The following TRIM9 variants were observed in gnomAD, a reference collection of about 807,000 sequenced individuals.
TRIM9 encodes the protein E3 ubiquitin-protein ligase TRIM9.
In TRIM9, 26 loss-of-function variants were observed where a neutral mutation model predicts 78.3. The observed-to-expected ratio is 0.33, with a 90% CI of 0.24 to 0.46. TRIM9 has a LOEUF of 0.46. TRIM9 is among the 20% of genes least tolerant of loss of function. The pLI, the probability that TRIM9 is intolerant of heterozygous loss-of-function variation, is 1.00. For missense variants in TRIM9, 787 were observed against 1,036.4 expected (o/e 0.76, Z 3.30); for synonymous variants, 398 against 416.5 (o/e 0.96, Z 0.54).
chr14:51,026,693 C>T (rs2058259545), intron 1 of TRIM9, among the ~76,000 whole-genome samples: 1 of 152,142 alleles, frequency 6.6e-6, no homozygotes, highest in Non-Finnish European at 1.5e-5. Context: ...TGGGCACTGA[C>T]TCTCTAAAAA....
chr14:51,030,787 T>C (rs950696099), intron 1 of TRIM9, among the ~76,000 whole-genome samples: 5 of 152,140 alleles, frequency 3.3e-5, no homozygotes, highest in Non-Finnish European at 7.4e-5. Context: ...GCAAGGCTGG[T>C]ATCAGAGGAA....
At chr14:51,018,684 A>G (rs1011420986) in intron 3 of TRIM9, among the ~76,000 whole-genome samples, 4 of 152,216 alleles carry the variant, frequency 2.6e-5, no homozygotes, top group Non-Finnish European at 5.9e-5. Context: ...AGTAAATATT[A>G]ATATGAAGAC....
chr14:51,040,369 G>A lies in TRIM9; in HGVS notation c.823-15009C>T, dbSNP rs560093043. Among the ~76,000 whole-genome samples, 4 of 152,272 alleles carry A rather than the reference G, an allele frequency of 2.6e-5. No individual in the cohort carries two copies. The East Asian group carries it at 7.7e-4, about 29-fold the overall frequency. ...TCTCATGCCCTTCTCCTCTGGCTAT[G>A]TTGTCACCTTTTCTTCTGTTGCCTG... On this transcript the variant is annotated intron_variant, in intron 1 of 12. Coordinates refer to ENST00000684578, the MANE Select transcript of TRIM9 (RefSeq NM_001387360.1).
intron 3 of TRIM9, among the ~76,000 whole-genome samples, chr14:51,016,948 C>T (rs140175142): frequency 3.9e-5 from 6 of 152,290 alleles, no homozygotes; most frequent in African/African-American, 7.2e-5. Flanking sequence ...GTTCTCCATG[C>T]GTCCTTTTGA....
intron 1 of TRIM9, among the ~76,000 whole-genome samples, chr14:51,079,915 G>A (rs2063146350): frequency 6.6e-6 from 1 of 152,188 alleles, no homozygotes. Context: ...ATACACAGGA[G>A]ACTACAGAGG....
At chr14:51,086,822 C>T (rs117635477) in intron 1 of TRIM9, among the ~76,000 whole-genome samples, 1,954 of 152,220 alleles carry the variant, frequency 0.013, 18 homozygotes, top group Non-Finnish European at 0.019. Context: ...GGAATTGAAA[C>T]CACGGAGTGG....
At position 51,011,364 on chromosome 14, in the gene TRIM9, T is replaced by C. The variant is rs563201007; in HGVS notation, c.1042-870A>G. On this transcript the variant is annotated intron_variant, in intron 3 of 12. Coordinates refer to ENST00000684578, the MANE Select transcript of TRIM9 (RefSeq NM_001387360.1). ...CCCAAATCTTGAATGCCTATATATT[T>C]TTTTATTTCCAAAGATGGGGTCCTC... Among the ~76,000 whole-genome samples the C allele has an allele frequency of 2.6e-5, 4 of 152,348 alleles. No individual in the cohort carries two copies. The East Asian group carries it at 7.7e-4, about 29-fold the overall frequency.
rs561624302 is a variant in TRIM9 at position 50,977,090 on chromosome 14, G to C, written c.*201C>G. On this transcript the variant is annotated 3_prime_UTR_variant, in exon 13 of 13. Transcript: ENST00000684578. ...GGTTAGAATTGTTGGACATGGAAGC[G>C]GAAGCAGGCATGACAGCGGAGGAGA... The C allele has an allele frequency of 5.2e-6, 2 of 382,628 alleles. No individual in the cohort carries two copies. Among genetic ancestry groups the C allele is most frequent in the Non-Finnish European group, 9.2e-6 (2 of 216,590 alleles). The allele number at this position is 382,628 out of a possible 1,614,324, so 23.7% of individuals were successfully genotyped here.
chr14:51,027,869 T>C (rs1269203068), intron 1 of TRIM9, among the ~76,000 whole-genome samples: 1 of 152,116 alleles, frequency 6.6e-6, no homozygotes, highest in Non-Finnish European at 1.5e-5. Context: ...AAAAGTTTGC[T>C]GGACTACCAT....
rs2057895130 is a variant in TRIM9 at position 51,022,934 on chromosome 14, G to C, written c.942C>G (p.Ala314=). 2 of 1,614,004 alleles carry C rather than the reference G, an allele frequency of 1.2e-6. No homozygotes were observed. Among genetic ancestry groups the C allele is most frequent in the African/African-American group, 1.3e-5 (1 of 74,914 alleles). Residue 314 remains alanine, a synonymous_variant, in exon 3 of 13, where the codon GCC becomes GCG. Transcript: ENST00000684578. ...GGGCATCACATTGGGCCACCAGACA[G>C]GCTTCAAACTCCACACTGTTCTCCT... ...QIQENSVEFE[A]CLVAQCDALI... is the part of the protein sequence containing the mutation.
At chr14:51,058,920 TAATG>T (rs2061113372) in intron 1 of TRIM9, among the ~76,000 whole-genome samples, 1 of 152,244 alleles carries the variant, frequency 6.6e-6, no homozygotes. Context: ...AATTCTCATG[TAATG>T]TTTTGCATTT....
intron 1 of TRIM9, among the ~76,000 whole-genome samples, chr14:51,029,354 C>T (rs2058533138): frequency 6.6e-6 from 1 of 152,164 alleles, no homozygotes; most frequent in East Asian, 1.9e-4. Flanking sequence ...GGGCGTGGGG[C>T]ACCTTCTGGT....
At chr14:51,000,243 A>G (rs543716973) in intron 6 of TRIM9, among the ~76,000 whole-genome samples, 1 of 152,372 alleles carries the variant, frequency 6.6e-6, no homozygotes, top group East Asian at 1.9e-4. Context: ...AATAATAACT[A>G]ATAATGAACG....
intron 3 of TRIM9, among the ~76,000 whole-genome samples, chr14:51,013,204 AG>A (rs1487310912): frequency 1.4e-5 from 2 of 147,242 alleles, no homozygotes; most frequent in African/African-American, 5.0e-5. Flanking sequence ...TTGGATATGG[AG>A]TTAGGTAAGT....
chr14:51,020,724 C>T (rs2057678804), intron 3 of TRIM9, among the ~76,000 whole-genome samples: 1 of 152,244 alleles, frequency 6.6e-6, no homozygotes, highest in Admixed American at 6.5e-5. Flanking sequence ...TCTGCAGAGG[C>T]AACACTAAGC....
At chr14:50,998,954 C>T (rs896386011) in intron 6 of TRIM9, among the ~76,000 whole-genome samples, 9 of 152,170 alleles carry the variant, frequency 5.9e-5, no homozygotes, top group Non-Finnish European at 1.2e-4. Flanking sequence ...AAGAAGACCA[C>T]GGTCTTGGAT....
At chr14:50,990,982 T>C (rs1486433422) in intron 7 of TRIM9, among the ~76,000 whole-genome samples, 3 of 152,196 alleles carry the variant, frequency 2.0e-5, no homozygotes, top group Non-Finnish European at 4.4e-5. Context: ...TAAAAGGTGG[T>C]ATTTTAAGCT....
intron 1 of TRIM9, among the ~76,000 whole-genome samples, chr14:51,044,260 G>T (rs1002827900): frequency 6.9e-4 from 105 of 152,232 alleles, no homozygotes; most frequent in African/African-American, 2.4e-3. Flanking sequence ...CTTTGGAAGG[G>T]TCAACAATCC....
intron 1 of TRIM9, among the ~76,000 whole-genome samples, chr14:51,085,056 T>C (rs1181918596): frequency 6.6e-6 from 1 of 152,256 alleles, no homozygotes; most frequent in Non-Finnish European, 1.5e-5. Flanking sequence ...TGCCTTAGAC[T>C]GATAGACAGC....
Sources: allele counts gnomAD v4.1 joint callset (sites outside exome capture counted in the v4.1 genomes callset), GRCh38; gene constraint gnomAD v4.1.1; transcripts MANE v1.5; gene names NCBI Gene and HGNC (gene_info 2026-07-23, HGNC 2026-07-21).